ROCK1: variants seen among roughly 807,000 people sequenced by gnomAD.
ROCK1 encodes the protein rho-associated protein kinase 1.
Under a neutral mutation model 196.8 loss-of-function variants are expected in ROCK1, and 36 were observed. The observed-to-expected ratio is 0.18, with a 90% CI of 0.14 to 0.24. The LOEUF (loss-of-function observed/expected upper bound fraction) is 0.24, where lower values mean the gene tolerates loss of function less well. ROCK1 is among the 10% of genes least tolerant of loss of function. The pLI, the probability that ROCK1 is intolerant of heterozygous loss-of-function variation, is 1.00. For synonymous variants in ROCK1, 443 were observed against 515.9 expected (o/e 0.86, Z 1.91); for missense variants, 920 against 1,562.0 (o/e 0.59, Z 6.93).
At chr18:21,003,593 G>A (rs1251124572) in intron 16 of ROCK1, among the ~76,000 whole-genome samples, 1 of 152,156 alleles carries the variant, frequency 6.6e-6, no homozygotes, top group Admixed American at 6.5e-5. Context: ...TGCCTGATAT[G>A]AGCTTCAAAA....
At chr18:21,044,230 A>T in intron 5 of ROCK1, 44 bp from the exon 6 acceptor site, 1 of 1,423,322 alleles carries the variant, frequency 7.0e-7, no homozygotes. Flanking sequence ...GAAACAGATT[A>T]GACACTGTAA....
chr18:21,110,383 CTA>C (rs2036740015), intron 1 of ROCK1, among the ~76,000 whole-genome samples: 1 of 152,118 alleles, frequency 6.6e-6, no homozygotes, highest in African/African-American at 2.4e-5. Context: ...AGGCTAAAAA[CTA>C]AACCCCTAGG....
intron 9 of ROCK1, 103 bp downstream of exon 9, chr18:21,039,369 A>C: frequency 1.3e-6 from 1 of 785,410 alleles, no homozygotes; most frequent in Non-Finnish European, 2.1e-6. Context: ...GTGGCTTCTG[A>C]TTTTCATCAG....
chr18:20,989,801 A>G (rs1415202181), intron 18 of ROCK1, among the ~76,000 whole-genome samples: 1 of 152,206 alleles, frequency 6.6e-6, no homozygotes, highest in Non-Finnish European at 1.5e-5. Flanking sequence ...CAAGAAAACT[A>G]GATTTTGAGG....
intron 2 of ROCK1, among the ~76,000 whole-genome samples, chr18:21,056,634 A>C (rs2036247253): frequency 6.6e-6 from 1 of 152,166 alleles, no homozygotes; most frequent in Admixed American, 6.5e-5. Context: ...TTAAAACACA[A>C]GTCAGATCAT....
At chr18:21,017,981 T>TA (rs2035878734) in intron 12 of ROCK1, among the ~76,000 whole-genome samples, 1 of 145,200 alleles carries the variant, frequency 6.9e-6, no homozygotes, top group African/African-American at 2.5e-5. Flanking sequence ...TCAAAAAAAA[T>TA]AAAAACAAAA....
intron 1 of ROCK1, among the ~76,000 whole-genome samples, chr18:21,109,326 G>A (rs1191612666): frequency 1.3e-5 from 2 of 152,076 alleles, no homozygotes; most frequent in African/African-American, 2.4e-5. Flanking sequence ...ATAGCAAGAG[G>A]CCAGAAGATG....
At chr18:21,009,401 G>T (rs1297665252) in intron 13 of ROCK1, among the ~76,000 whole-genome samples, 1 of 151,514 alleles carries the variant, frequency 6.6e-6, no homozygotes, top group Non-Finnish European at 1.5e-5. Context: ...TCCTTCTTGT[G>T]GCTGAGTATT....
At chr18:21,099,941 C>G (rs1479270036) in intron 1 of ROCK1, among the ~76,000 whole-genome samples, 4 of 151,788 alleles carry the variant, frequency 2.6e-5, no homozygotes, top group Non-Finnish European at 5.9e-5. Context: ...GAGACTGAGT[C>G]AGAAGAATTG....
At chr18:20,984,030 C>A (rs34530098) in intron 20 of ROCK1, among the ~76,000 whole-genome samples, 1 of 152,054 alleles carries the variant, frequency 6.6e-6, no homozygotes, top group Admixed American at 6.6e-5. Context: ...CAAAACAAAA[C>A]GAACAAAGTG....
intron 8 of ROCK1, among the ~76,000 whole-genome samples, chr18:21,040,194 G>C (rs565980752): frequency 6.6e-6 from 1 of 152,244 alleles, no homozygotes; most frequent in East Asian, 1.9e-4. Flanking sequence ...ACAGTTTTTT[G>C]TGTGTGTGTG....
intron 13 of ROCK1, among the ~76,000 whole-genome samples, chr18:21,009,393 C>T (rs1368323818): frequency 6.6e-6 from 1 of 151,580 alleles, no homozygotes; most frequent in African/African-American, 2.4e-5. Flanking sequence ...CAGTTTATTC[C>T]TTCTTGTGGC....
intron 12 of ROCK1, among the ~76,000 whole-genome samples, chr18:21,016,492 C>CA (rs1309927895): frequency 1.3e-5 from 2 of 152,218 alleles, no homozygotes; most frequent in Non-Finnish European, 2.9e-5. Flanking sequence ...TGGCAACACT[C>CA]AAAGTGTATT....
intron 2 of ROCK1, among the ~76,000 whole-genome samples, chr18:21,058,641 T>C (rs1249055997): frequency 6.6e-6 from 1 of 152,086 alleles, no homozygotes; most frequent in Non-Finnish European, 1.5e-5. Context: ...CACGCTGTCA[T>C]GCAATCTCAG....
intron 5 of ROCK1, among the ~76,000 whole-genome samples, chr18:21,044,575 G>C (rs1223662119): frequency 1.3e-5 from 2 of 152,138 alleles, no homozygotes; most frequent in African/African-American, 4.8e-5. Flanking sequence ...TGTAGGCACA[G>C]CAACTGCACA....
chr18:21,094,795 C>A (rs1487128435), intron 1 of ROCK1, among the ~76,000 whole-genome samples: 1 of 150,578 alleles, frequency 6.6e-6, no homozygotes, highest in Non-Finnish European at 1.5e-5. Context: ...ACCTGTAATC[C>A]CAGCACTTTG....
At chr18:20,974,733 T>C (rs1476240467) in intron 22 of ROCK1, among the ~76,000 whole-genome samples, 2 of 152,196 alleles carry the variant, frequency 1.3e-5, no homozygotes, top group African/African-American at 4.8e-5. Flanking sequence ...AAGAATGGCT[T>C]TGTTCTTGTT....
intron 22 of ROCK1, among the ~76,000 whole-genome samples, chr18:20,975,846 T>C (rs1279965849): frequency 6.6e-6 from 1 of 152,132 alleles, no homozygotes; most frequent in African/African-American, 2.4e-5. Context: ...CTCCTGATAT[T>C]GTGATCCGCC....
rs1251149730 is a variant in ROCK1, at chr18:20,984,856, G to A, written c.2305-321C>T. ...GGGCCAGGCACAGTGGTTTATGTCTGTAATCCCAGCACTTTGGGAGGCTGA... is the reference window on the plus strand; with the variant it reads ...GGGCCAGGCACAGTGGTTTATGTCTATAATCCCAGCACTTTGGGAGGCTGA... On this transcript the variant is annotated intron_variant, in intron 19 of 32. Coordinates refer to ENST00000399799, the MANE Select transcript of ROCK1 (RefSeq NM_005406.3). Among the ~76,000 whole-genome samples, 3 of 152,128 alleles carry A rather than the reference G, an allele frequency of 2.0e-5. No homozygotes were observed. In the East Asian group the frequency reaches 5.8e-4, roughly 29 times the overall value.
Sources: allele counts gnomAD v4.1 joint callset (sites outside exome capture counted in the v4.1 genomes callset), GRCh38; gene constraint gnomAD v4.1.1; transcripts MANE v1.5; gene names NCBI Gene and HGNC (gene_info 2026-07-23, HGNC 2026-07-21).